RAB27B: variants seen among roughly 807,000 people sequenced by gnomAD.
The protein encoded by RAB27B is ras-related protein Rab-27B.
In RAB27B, 15 loss-of-function variants were observed where a neutral mutation model predicts 24.6. The observed-to-expected ratio is 0.61, with a 90% confidence interval of 0.41 to 0.94. RAB27B has a LOEUF of 0.94. Ranked by LOEUF, RAB27B falls within the 40% of genes least tolerant of loss-of-function variation. The pLI is 0.00. For missense variants in RAB27B, 261 were observed against 266.8 expected (o/e 0.98, Z 0.15); for synonymous variants, 105 against 92.5 (o/e 1.14, Z -0.78).
Position 54,821,698 on chromosome 18 carries a change from A to G in RAB27B, c.-19-55869A>G, listed in dbSNP as rs1425015815. On this transcript the variant is annotated intron_variant, in intron 2 of 4. Coordinates refer to the RAB27B transcript ENST00000586570. ...TATTTCCCAAAAGTATAGTTTTAAAAAAGTAATCATATAGCATGTGATTCT... is the reference window on the plus strand; with the variant it reads ...TATTTCCCAAAAGTATAGTTTTAAAGAAGTAATCATATAGCATGTGATTCT... Among the ~76,000 whole-genome samples the G allele has an allele frequency of 2.6e-5, 4 of 152,270 alleles. No homozygotes were observed. The East Asian group carries it at 7.7e-4, about 29-fold the overall frequency.
At chr18:54,718,423 G>A (rs1367240479) in intron 2 of RAB27B, among the ~76,000 whole-genome samples, 1 of 152,146 alleles carries the variant, frequency 6.6e-6, no homozygotes, top group Non-Finnish European at 1.5e-5. Flanking sequence ...CAGACTGCGT[G>A]CATGGATTCT....
intron 2 of RAB27B, among the ~76,000 whole-genome samples, chr18:54,787,268 T>G (rs1321226056): frequency 6.6e-6 from 1 of 152,256 alleles, no homozygotes; most frequent in African/African-American, 2.4e-5. Context: ...TGTAGTTCAC[T>G]GCTTTTGAGA....
intron 2 of RAB27B, among the ~76,000 whole-genome samples, chr18:54,793,188 A>G (rs1172715148): frequency 6.6e-6 from 1 of 152,090 alleles, no homozygotes; most frequent in African/African-American, 2.4e-5. Flanking sequence ...CCTGATGTAA[A>G]TGAAACTTGG....
Position 54,889,490 on chromosome 18 carries a change from T to C in RAB27B, c.*77T>C. The C allele has an allele frequency of 1.0e-5, 14 of 1,356,936 alleles. No homozygotes were observed. Among genetic ancestry groups the C allele is most frequent in the Non-Finnish European group, 1.4e-5 (14 of 1,008,086 alleles). 84.1% of individuals were successfully genotyped at this position (1,356,936 alleles called of 1,614,324 possible). A position where few individuals can be genotyped will look rare whatever the true frequency, so the allele number is the denominator to read the frequency against. On this transcript the variant is annotated 3_prime_UTR_variant, in exon 6 of 6. Coordinates refer to ENST00000262094, the MANE Select transcript of RAB27B (RefSeq NM_004163.4). ...AAACAATGACAAACCACACAATTGT[T>C]GTTGAGTAAACCACGCACAATGGCA...
intron 5 of RAB27B, among the ~76,000 whole-genome samples, chr18:54,888,895 A>G (rs1913252019): frequency 6.6e-6 from 1 of 152,182 alleles, no homozygotes; most frequent in Non-Finnish European, 1.5e-5. Flanking sequence ...TTTTAATAGT[A>G]ACATTGGTCA....
intron 2 of RAB27B, among the ~76,000 whole-genome samples, chr18:54,779,225 C>T (rs1005571245): frequency 5.3e-5 from 8 of 152,122 alleles, no homozygotes; most frequent in Non-Finnish European, 1.2e-4. Context: ...TCTTCATCTT[C>T]AAAATTTTGT....
chr18:54,775,645 A>G (rs529113216), intron 2 of RAB27B, among the ~76,000 whole-genome samples: 1 of 152,246 alleles, frequency 6.6e-6, no homozygotes, highest in South Asian at 2.1e-4. Context: ...AACTTTGTCT[A>G]TCTCTTCATC....
At chr18:54,732,180 A>G (rs1007076903) in intron 2 of RAB27B, among the ~76,000 whole-genome samples, 2 of 152,234 alleles carry the variant, frequency 1.3e-5, no homozygotes, top group Non-Finnish European at 2.9e-5. Context: ...AAATGGCTCA[A>G]TAAAAGAGTG....
At chr18:54,833,899 A>G (rs1910792428) in intron 1 of RAB27B, among the ~76,000 whole-genome samples, 1 of 152,198 alleles carries the variant, frequency 6.6e-6, no homozygotes, top group Admixed American at 6.5e-5. Context: ...GTCTGGAGGC[A>G]CCAATGGGGA....
At chr18:54,832,107 T>C (rs1910704145) in intron 1 of RAB27B, among the ~76,000 whole-genome samples, 1 of 152,182 alleles carries the variant, frequency 6.6e-6, no homozygotes, top group Non-Finnish European at 1.5e-5. Context: ...TCTGGCTTCC[T>C]TGAAGAGACT....
In RAB27B at chr18:54,744,131, A is replaced by C. The variant is rs142187901; in HGVS notation, c.-20+25990A>C. On this transcript the variant is annotated intron_variant, in intron 2 of 4. Transcript: ENST00000586570. ...TATATGAAGAAGATAGATTGATTTC[A>C]TTCATTGGAAAGTGTGTGAGCCATG... Among the ~76,000 whole-genome samples, 9 of 152,328 alleles carry C rather than the reference A, an allele frequency of 5.9e-5. No homozygotes were observed. In the East Asian group the frequency reaches 1.5e-3, roughly 26 times the overall value.
chr18:54,778,578 T>C (rs1376106826), intron 2 of RAB27B, among the ~76,000 whole-genome samples: 3 of 152,202 alleles, frequency 2.0e-5, no homozygotes, highest in Non-Finnish European at 2.9e-5. Context: ...GTTCTAGGGA[T>C]GAATGATTCT....
intron 2 of RAB27B, among the ~76,000 whole-genome samples, chr18:54,781,517 A>T: frequency 6.6e-6 from 1 of 151,974 alleles, no homozygotes; most frequent in Admixed American, 6.6e-5. Flanking sequence ...TGTCTATTTG[A>T]ATATCTAATA....
chr18:54,805,083 C>T lies in RAB27B; in HGVS notation c.-19-72484C>T, dbSNP rs536175763. Among the ~76,000 whole-genome samples the T allele has an allele frequency of 5.9e-5, 9 of 151,836 alleles. No individual in the cohort carries two copies. In the South Asian group the frequency reaches 1.7e-3, roughly 28 times the overall value. On this transcript the variant is annotated intron_variant, in intron 2 of 4. Transcript: ENST00000586570. ...CTGACAGGGAGGTTTCTGGAGGTCT[C>T]CTTAATCCAAGGGCACTCTGAGCAT... is the stretch of plus-strand genomic sequence containing the variant.
chr18:54,876,971 G>T (rs1912728550), intron 1 of RAB27B, among the ~76,000 whole-genome samples: 1 of 152,012 alleles, frequency 6.6e-6, no homozygotes, highest in Non-Finnish European at 1.5e-5. Flanking sequence ...ATATGGTTTG[G>T]CTGTGTCCCT....
intron 2 of RAB27B, among the ~76,000 whole-genome samples, chr18:54,776,790 C>G (rs1039412501): frequency 1.3e-5 from 2 of 152,142 alleles, no homozygotes; most frequent in Non-Finnish European, 2.9e-5. Flanking sequence ...CTGGCATGGT[C>G]AGGCATGCCC....
At chr18:54,840,157 T>G (rs912616961) in intron 1 of RAB27B, among the ~76,000 whole-genome samples, 3 of 152,172 alleles carry the variant, frequency 2.0e-5, no homozygotes, top group African/African-American at 7.2e-5. Flanking sequence ...CTTGAGTATC[T>G]TTCATATTAA....
chr18:54,771,591 AGTGTGTGTGTGTGTGTGTGTGT>A (rs36228307), intron 2 of RAB27B, among the ~76,000 whole-genome samples: 235 of 144,990 alleles, frequency 1.6e-3, no homozygotes, highest in African/African-American at 5.6e-3. Flanking sequence ...CTGATAGTTT[AGTGTGTGTGTGTGTGTGTGTGT>A]GTGTGTGTGT....
intron 2 of RAB27B, among the ~76,000 whole-genome samples, chr18:54,735,668 A>C (rs530501033): frequency 6.6e-6 from 1 of 152,248 alleles, no homozygotes; most frequent in East Asian, 1.9e-4. Flanking sequence ...ACCTGCCACC[A>C]TACCCAGTTA....
Sources: gnomAD v4.1 joint callset for allele counts (sites outside exome capture counted in the v4.1 genomes callset) on GRCh38, gnomAD v4.1.1 for gene constraint, MANE v1.5 for transcripts, NCBI Gene and HGNC (gene_info 2026-07-23, HGNC 2026-07-21) for gene names.